Variants in CAMK2D observed in about 807,000 individuals in gnomAD.
CAMK2D encodes calcium/calmodulin dependent protein kinase II delta, also known as calcium/calmodulin-dependent protein kinase type II subunit delta.
Under a neutral mutation model 84.0 loss-of-function variants are expected in CAMK2D, and 37 were observed. The ratio of observed to expected loss-of-function variants is 0.44; its 90% CI spans 0.34 to 0.58. The LOEUF is 0.58. Among genes scored for constraint, CAMK2D ranks in the 20% least tolerant of loss-of-function variants. The pLI, the probability that CAMK2D is intolerant of heterozygous loss-of-function variation, is 0.02. For missense variants in CAMK2D, 448 were observed against 652.5 expected (o/e 0.69, Z 3.41); for synonymous variants, 202 against 212.5 (o/e 0.95, Z 0.43).
intron 1 of CAMK2D, among the ~76,000 whole-genome samples, chr4:113,760,511 C>T (rs942175552): frequency 6.6e-6 from 1 of 152,138 alleles, no homozygotes; most frequent in Non-Finnish European, 1.5e-5. Context: ...GTTGAACTTT[C>T]GGCATCAATA....
chr4:113,664,717 C>A (rs778457492), intron 2 of CAMK2D, among the ~76,000 whole-genome samples: 2 of 151,972 alleles, frequency 1.3e-5, no homozygotes, highest in African/African-American at 4.8e-5. Context: ...GAAAAAAAAA[C>A]CTAGGCTGGC....
intron 2 of CAMK2D, among the ~76,000 whole-genome samples, chr4:113,733,818 T>C (rs1481218273): frequency 2.0e-5 from 3 of 149,724 alleles, no homozygotes. Context: ...ATGTAACTAA[T>C]TATAATGAGC....
intron 2 of CAMK2D, among the ~76,000 whole-genome samples, chr4:113,749,760 G>T (rs1242607256): frequency 6.6e-6 from 1 of 152,152 alleles, no homozygotes; most frequent in Non-Finnish European, 1.5e-5. Context: ...GAATTTGCAA[G>T]TAGTTGCTCA....
chr4:113,650,339 G>T (rs2099167839), intron 3 of CAMK2D, among the ~76,000 whole-genome samples: 1 of 151,528 alleles, frequency 6.6e-6, no homozygotes, highest in African/African-American at 2.4e-5. Context: ...CCAACATGGT[G>T]AAACCCCATC....
intron 4 of CAMK2D, among the ~76,000 whole-genome samples, chr4:113,608,713 T>C (rs2098987617): frequency 6.6e-6 from 1 of 152,228 alleles, no homozygotes; most frequent in African/African-American, 2.4e-5. Flanking sequence ...TCATTCTTGC[T>C]GACAGCGCCT....
intron 2 of CAMK2D, among the ~76,000 whole-genome samples, chr4:113,706,100 C>T (rs2099453444): frequency 1.3e-5 from 2 of 152,196 alleles, no homozygotes; most frequent in South Asian, 4.2e-4. Flanking sequence ...CCAATAGCTG[C>T]ACTGAGCCAC....
At chr4:113,598,390 T>C (rs1193549483) in intron 4 of CAMK2D, among the ~76,000 whole-genome samples, 1 of 151,426 alleles carries the variant, frequency 6.6e-6, no homozygotes, top group East Asian at 1.9e-4. Context: ...TAACTCAAAA[T>C]AGATCACACA....
At chr4:113,700,331 C>T (rs1032092583) in intron 2 of CAMK2D, among the ~76,000 whole-genome samples, 7 of 152,158 alleles carry the variant, frequency 4.6e-5, no homozygotes, top group South Asian at 4.1e-4. Flanking sequence ...TAAATTCTTT[C>T]GGGTTGAGAA....
intron 2 of CAMK2D, among the ~76,000 whole-genome samples, chr4:113,709,449 G>GA (rs937891309): frequency 1.5e-4 from 23 of 151,678 alleles, no homozygotes; most frequent in African/African-American, 4.8e-4. Flanking sequence ...AAGACAAACA[G>GA]AAAAAATTAG....
intron 3 of CAMK2D, among the ~76,000 whole-genome samples, chr4:113,618,119 T>C (rs2099029464): frequency 6.6e-6 from 1 of 152,176 alleles, no homozygotes; most frequent in Non-Finnish European, 1.5e-5. Flanking sequence ...GGCTAATAAA[T>C]AGTATAGGAA....
intron 3 of CAMK2D, among the ~76,000 whole-genome samples, chr4:113,644,511 G>A (rs1334881641): frequency 6.6e-6 from 1 of 152,176 alleles, no homozygotes; most frequent in Non-Finnish European, 1.5e-5. Context: ...CCAAGAGGTA[G>A]GCAGCTATTA....
At chr4:113,718,531 G>T (rs931978183) in intron 2 of CAMK2D, among the ~76,000 whole-genome samples, 3 of 152,180 alleles carry the variant, frequency 2.0e-5, no homozygotes, top group Admixed American at 1.3e-4. Context: ...ATTTGGGAAG[G>T]TTTAGAATCT....
intron 3 of CAMK2D, among the ~76,000 whole-genome samples, chr4:113,622,676 ATTGT>A (rs1231231445): frequency 3.3e-5 from 5 of 152,178 alleles, no homozygotes; most frequent in African/African-American, 9.6e-5. Flanking sequence ...AAGAAGGAAG[ATTGT>A]TTGAGCTCAG....
At chr4:113,485,194 C>T (rs950025222) in intron 16 of CAMK2D, among the ~76,000 whole-genome samples, 1 of 152,176 alleles carries the variant, frequency 6.6e-6, no homozygotes, top group Non-Finnish European at 1.5e-5. Flanking sequence ...AAGTCTTTAG[C>T]TACTCTGTGA....
At chr4:113,725,225 T>C (rs2099542429) in intron 2 of CAMK2D, among the ~76,000 whole-genome samples, 1 of 152,054 alleles carries the variant, frequency 6.6e-6, no homozygotes, top group Admixed American at 6.5e-5. Context: ...TGTGTATATA[T>C]AACTATGTAT....
At chr4:113,732,714 G>A (rs1411052155) in intron 2 of CAMK2D, among the ~76,000 whole-genome samples, 2 of 152,074 alleles carry the variant, frequency 1.3e-5, no homozygotes, top group Non-Finnish European at 1.5e-5. Flanking sequence ...TCAAAGAAAT[G>A]TGACTTTTTA....
At chr4:113,559,562 G>A (rs1366182793) in intron 4 of CAMK2D, among the ~76,000 whole-genome samples, 3 of 152,208 alleles carry the variant, frequency 2.0e-5, no homozygotes, top group East Asian at 1.9e-4. Context: ...AACGTCACAT[G>A]TACTGAAACA....
intron 4 of CAMK2D, among the ~76,000 whole-genome samples, chr4:113,555,669 G>A (rs188074499): frequency 2.6e-5 from 4 of 152,256 alleles, no homozygotes; most frequent in East Asian, 1.9e-4. Flanking sequence ...AGATTCATCC[G>A]CGTCACCTGC....
chr4:113,754,993 T>C lies in CAMK2D; in HGVS notation c.160+4327A>G, dbSNP rs545149105. Reference sequence around the variant, plus strand: ...GTTCCAATTTGCCAAATCAATAATGTATAATCAGAACTTAATCCATCTACA... The same window carrying C: ...GTTCCAATTTGCCAAATCAATAATGCATAATCAGAACTTAATCCATCTACA... On this transcript the variant is annotated intron_variant, in intron 2 of 20. Coordinates refer to ENST00000511664, the MANE Select transcript of CAMK2D (RefSeq NM_001321571.2). The C allele has an allele frequency of 2.6e-5, 26 of 984,428 alleles. No homozygotes were observed. The Middle Eastern group carries it at 2.1e-3, about 79-fold the overall frequency. The allele number at this position is 984,428 out of a possible 1,614,324, so 61.0% of individuals were successfully genotyped here. A position where few individuals can be genotyped will look rare whatever the true frequency, so the allele number is the denominator to read the frequency against.
Sources: allele counts gnomAD v4.1 joint callset (sites outside exome capture counted in the v4.1 genomes callset), GRCh38; gene constraint gnomAD v4.1.1; transcripts MANE v1.5; gene names NCBI Gene and HGNC (gene_info 2026-07-23, HGNC 2026-07-21).